The following EVA1A variants were observed in gnomAD, a reference collection of about 807,000 sequenced individuals.
The protein encoded by EVA1A is eva-1 homolog A, regulator of programmed cell death, also known as protein eva-1 homolog A.
Under a neutral mutation model 9.8 loss-of-function variants are expected in EVA1A, and 7 were observed. That is an observed-to-expected ratio of 0.71 (90% CI 0.41 to 1.34). The LOEUF (loss-of-function observed/expected upper bound fraction) is 1.34, where lower values mean the gene tolerates loss of function less well. Among genes scored for constraint, EVA1A ranks in the 40% most tolerant of loss-of-function variants. EVA1A has a pLI of 0.01. For synonymous variants in EVA1A, 90 were observed against 85.6 expected (o/e 1.05, Z -0.28); for missense variants, 206 against 205.9 (o/e 1.00, Z 0.00).
intron 1 of EVA1A, among the ~76,000 whole-genome samples, chr2:75,536,029 C>T (rs1676168719): frequency 6.6e-6 from 1 of 152,150 alleles, no homozygotes; most frequent in Non-Finnish European, 1.5e-5. Context: ...GCCACCGCAC[C>T]CAGCCACTGC....
chr2:75,559,025 T>A (rs1033077079), intron 1 of EVA1A, among the ~76,000 whole-genome samples: 5 of 152,138 alleles, frequency 3.3e-5, no homozygotes, highest in African/African-American at 1.2e-4. Context: ...GAGACTGGTA[T>A]AATCAGCCAA....
chr2:75,557,656 G>C (rs1051997406), intron 1 of EVA1A, among the ~76,000 whole-genome samples: 2 of 152,164 alleles, frequency 1.3e-5, no homozygotes, highest in Non-Finnish European at 2.9e-5. Flanking sequence ...TCTCCTCCAG[G>C]CAGGTGTGTG....
intron 1 of EVA1A, among the ~76,000 whole-genome samples, chr2:75,544,003 G>A (rs1676235058): frequency 6.6e-6 from 1 of 152,172 alleles, no homozygotes; most frequent in African/African-American, 2.4e-5. Flanking sequence ...ACACAGACAA[G>A]TGTGTGATAC....
chr2:75,497,313 T>A (rs916048465), intron 3 of EVA1A, among the ~76,000 whole-genome samples: 1 of 152,128 alleles, frequency 6.6e-6, no homozygotes, highest in Non-Finnish European at 1.5e-5. Flanking sequence ...ATATCTAGAA[T>A]CTATTTTAAA....
chr2:75,567,074 T>C (rs1366204308), intron 1 of EVA1A, among the ~76,000 whole-genome samples: 2 of 152,202 alleles, frequency 1.3e-5, no homozygotes, highest in East Asian at 3.8e-4. Flanking sequence ...AAAATGCTAA[T>C]AGTTGTTCTT....
chr2:75,544,534 T>C (rs940771928), intron 1 of EVA1A, among the ~76,000 whole-genome samples: 1 of 152,186 alleles, frequency 6.6e-6, no homozygotes, highest in Non-Finnish European at 1.5e-5. Flanking sequence ...CAACTGAAGT[T>C]TGAGCTCAAA....
intron 1 of EVA1A, among the ~76,000 whole-genome samples, chr2:75,538,214 C>G (rs1361395780): frequency 6.6e-6 from 1 of 152,108 alleles, no homozygotes; most frequent in African/African-American, 2.4e-5. Context: ...TGCTTGAATC[C>G]GGGAGGTGGA....
intron 3 of EVA1A, among the ~76,000 whole-genome samples, chr2:75,517,245 T>A (rs1675042149): frequency 6.6e-6 from 1 of 152,118 alleles, no homozygotes. Context: ...GCCTAGAGAA[T>A]TAGAAAGTAA....
At chr2:75,560,304 G>A (rs1056278739) in intron 1 of EVA1A, among the ~76,000 whole-genome samples, 3 of 152,184 alleles carry the variant, frequency 2.0e-5, no homozygotes, top group Admixed American at 1.3e-4. Flanking sequence ...GCAGGCTTGG[G>A]ATAGAAGCCA....
In EVA1A at chr2:75,555,571, C is replaced by G. The variant is rs74951123; in HGVS notation, c.-192+5109G>C. On this transcript the variant is annotated intron_variant, in intron 1 of 3. Transcript: ENST00000393913. ...TTGTGATTTCTTTGCTTACTAGAGA[C>G]AGTGTCTCTCCCTGACCCGTGGGCT... Among the ~76,000 whole-genome samples, 430 of 152,198 alleles carry G rather than the reference C, an allele frequency of 2.8e-3. 5 individuals are homozygous for G. The highest frequency in any genetic ancestry group is 0.01 in the Middle Eastern group (3 of 294).
intron 1 of EVA1A, among the ~76,000 whole-genome samples, chr2:75,559,727 G>A (rs114207197): frequency 0.019 from 2,854 of 147,386 alleles, 163 homozygotes; most frequent in African/African-American, 0.072. Context: ...TGGGGGGACG[G>A]TTCTTGCTCA....
intron 3 of EVA1A, among the ~76,000 whole-genome samples, chr2:75,502,921 C>G (rs1428639773): frequency 6.6e-6 from 1 of 152,180 alleles, no homozygotes; most frequent in Non-Finnish European, 1.5e-5. Context: ...GTCATTCTAG[C>G]TTTCATATAC....
intron 1 of EVA1A, among the ~76,000 whole-genome samples, chr2:75,533,883 C>T (rs940190433): frequency 6.6e-6 from 1 of 151,932 alleles, no homozygotes; most frequent in Non-Finnish European, 1.5e-5. Context: ...GCGATCTTGG[C>T]TCACTGCAAG....
intron 1 of EVA1A, among the ~76,000 whole-genome samples, chr2:75,534,829 A>T (rs1558685459): frequency 6.6e-6 from 1 of 152,124 alleles, no homozygotes; most frequent in Non-Finnish European, 1.5e-5. Context: ...TGCCTCGGTC[A>T]ATGTCTAAAA....
upstream of EVA1A, among the ~76,000 whole-genome samples, chr2:75,561,970 T>C (rs1347031904): frequency 6.6e-6 from 1 of 152,096 alleles, no homozygotes; most frequent in South Asian, 2.1e-4. Context: ...ACCACGTGGA[T>C]GACTAGAATC....
intron 1 of EVA1A, among the ~76,000 whole-genome samples, chr2:75,539,435 T>C (rs1217687205): frequency 6.6e-6 from 1 of 152,208 alleles, no homozygotes; most frequent in African/African-American, 2.4e-5. Context: ...GACAAGTTAG[T>C]TAACCTCCCT....
intron 1 of EVA1A, among the ~76,000 whole-genome samples, chr2:75,545,424 T>A (rs1388682188): frequency 6.6e-6 from 1 of 152,192 alleles, no homozygotes; most frequent in South Asian, 2.1e-4. Flanking sequence ...GCTTTCCCGA[T>A]GAGAACCATC....
At chr2:75,557,899 T>A (rs889248721) in intron 1 of EVA1A, among the ~76,000 whole-genome samples, 2 of 152,268 alleles carry the variant, frequency 1.3e-5, no homozygotes, top group African/African-American at 4.8e-5. Context: ...ACTTAGGCTC[T>A]CATTAATGCA....
chr2:75,530,101 T>C (rs942836689), intron 1 of EVA1A, among the ~76,000 whole-genome samples: 1 of 152,108 alleles, frequency 6.6e-6, no homozygotes, highest in Non-Finnish European at 1.5e-5. Flanking sequence ...CAAAGGATCA[T>C]TCAAGGCTAC....
Sources: gnomAD v4.1 joint callset for allele counts (sites outside exome capture counted in the v4.1 genomes callset) on GRCh38, gnomAD v4.1.1 for gene constraint, MANE v1.5 for transcripts, NCBI Gene and HGNC (gene_info 2026-07-23, HGNC 2026-07-21) for gene names.